The following SCAPER variants were observed in gnomAD, a reference collection of about 807,000 sequenced individuals.
The protein encoded by SCAPER is S-phase cyclin A associated protein in the ER.
In SCAPER, 98 loss-of-function variants were observed where a neutral mutation model predicts 182.2. The observed-to-expected ratio is 0.54, with a 90% CI of 0.46 to 0.64. The LOEUF (loss-of-function observed/expected upper bound fraction) is 0.64. Among genes scored for constraint, SCAPER ranks in the 30% least tolerant of loss-of-function variants. SCAPER has a pLI of 0.00. For missense variants in SCAPER, 1,432 were observed against 1,690.0 expected (o/e 0.85, Z 2.68); for synonymous variants, 605 against 564.6 (o/e 1.07, Z -1.01).
At chr15:76,505,132 A>T (rs1233601683) in intron 23 of SCAPER, among the ~76,000 whole-genome samples, 158 bp from the exon 24 acceptor site, 1 of 152,220 alleles carries the variant, frequency 6.6e-6, no homozygotes, top group East Asian at 1.9e-4. Flanking sequence ...TTGTTTCAGT[A>T]CTAGGAAATA....
At chr15:76,709,533 A>G (rs2059450535) in intron 17 of SCAPER, among the ~76,000 whole-genome samples, 1 of 152,234 alleles carries the variant, frequency 6.6e-6, no homozygotes, top group Non-Finnish European at 1.5e-5. Flanking sequence ...AAAAATCTCA[A>G]TAGACCAAAA....
In SCAPER at chr15:76,516,199, T is replaced by C. The variant is rs565107764; in HGVS notation, c.2839-11225A>G. ...TTCTTTCTTTCTTTTTTTTTTTATATATATTCTTTTAAAAAATTTTTTAAA... is the reference window on the plus strand; with the variant it reads ...TTCTTTCTTTCTTTTTTTTTTTATACATATTCTTTTAAAAAATTTTTTAAA... On this transcript the variant is annotated intron_variant, in intron 23 of 31. Coordinates refer to ENST00000563290, the MANE Select transcript of SCAPER (RefSeq NM_020843.4). Among the ~76,000 whole-genome samples, 1,200 of 151,516 alleles carry C rather than the reference T, an allele frequency of 7.9e-3. 12 individuals are homozygous for C. The highest frequency in any genetic ancestry group is 0.028 in the African/African-American group (1,139 of 41,412).
chr15:76,628,295 G>C (rs1412749508), intron 21 of SCAPER, among the ~76,000 whole-genome samples: 1 of 152,100 alleles, frequency 6.6e-6, no homozygotes, highest in African/African-American at 2.4e-5. Flanking sequence ...GATCTCATTT[G>C]TCAACTTTTT....
chr15:76,728,878 G>A, intron 16 of SCAPER, 141 bp from the exon 17 acceptor site: 1 of 839,904 alleles, frequency 1.2e-6, no homozygotes, highest in South Asian at 2.2e-5. Flanking sequence ...GCTTCTTAAA[G>A]TTTAAACAAA....
At position 76,661,948 on chromosome 15, in the gene SCAPER, T is replaced by C. The variant is rs141930950; in HGVS notation, c.2645+3705A>G. Among the ~76,000 whole-genome samples, 910 of 152,296 alleles carry C rather than the reference T, an allele frequency of 6.0e-3. 4 individuals are homozygous for C. The highest frequency in any genetic ancestry group is 0.021 in the African/African-American group (871 of 41,558). ...AACCAACCCAAATGCCCATCAATGA[T>C]AGACTGAATAAAGAAAATGTGGTAC... is the stretch of plus-strand genomic sequence containing the variant. On this transcript the variant is annotated intron_variant, in intron 21 of 31. Coordinates refer to ENST00000563290, the MANE Select transcript of SCAPER (RefSeq NM_020843.4).
intron 30 of SCAPER, among the ~76,000 whole-genome samples, chr15:76,351,625 ATG>A (rs2040555122): frequency 6.6e-6 from 1 of 152,212 alleles, no homozygotes; most frequent in Non-Finnish European, 1.5e-5. Flanking sequence ...TGAAAGCTCT[ATG>A]TATTCTGCAG....
chr15:76,585,803 T>C (rs1350471102), intron 22 of SCAPER, among the ~76,000 whole-genome samples: 10 of 152,272 alleles, frequency 6.6e-5, no homozygotes, highest in Middle Eastern at 3.4e-3. Context: ...AAGCACTAGA[T>C]TTTAATTCAT....
At chr15:76,856,534 ACT>A (rs2071397903) in intron 4 of SCAPER, among the ~76,000 whole-genome samples, 1 of 151,038 alleles carries the variant, frequency 6.6e-6, no homozygotes, top group Admixed American at 6.6e-5. Flanking sequence ...TATATTTTTA[ACT>A]TTTTTTACAT....
At chr15:76,641,244 T>G (rs144384919) in intron 21 of SCAPER, among the ~76,000 whole-genome samples, 2,651 of 152,334 alleles carry the variant, frequency 0.017, 36 homozygotes, top group Non-Finnish European at 0.026. Flanking sequence ...AAGGCTCTGT[T>G]AGAAATTACT....
intron 5 of SCAPER, among the ~76,000 whole-genome samples, chr15:76,807,980 T>C (rs2066298558): frequency 6.6e-6 from 1 of 152,146 alleles, no homozygotes; most frequent in Admixed American, 6.5e-5. Context: ...TCCCAACTTC[T>C]ATGATTCCCA....
At chr15:76,748,289 C>T (rs538046237) in intron 15 of SCAPER, among the ~76,000 whole-genome samples, 4 of 152,090 alleles carry the variant, frequency 2.6e-5, no homozygotes, top group East Asian at 3.9e-4. Flanking sequence ...CGCGCCTGGC[C>T]GAAATATGGA....
rs541039400 is a variant in SCAPER, at chr15:76,840,259, A to T, written c.393+1475T>A. On this transcript the variant is annotated intron_variant, in intron 5 of 31. Transcript: ENST00000563290. ...ATGATGCATCCTCATCGCTACAAAA[A>T]TTTTTTTAAAATTAGCCAGGCATGG... is the stretch of plus-strand genomic sequence containing the variant. Among the ~76,000 whole-genome samples, 15 of 151,970 alleles carry T rather than the reference A, an allele frequency of 9.9e-5. No individual in the cohort carries two copies. In the East Asian group the frequency reaches 2.3e-3, roughly 24 times the overall value.
chr15:76,754,697 TTTAA>T (rs773597148), intron 14 of SCAPER, among the ~76,000 whole-genome samples: 1 of 6,596 alleles, frequency 1.5e-4, no homozygotes, highest in Non-Finnish European at 4.0e-3. Flanking sequence ...AACCTAACAT[TTTAA>T]TTGTTTTTTT....
intron 22 of SCAPER, among the ~76,000 whole-genome samples, chr15:76,608,402 T>C (rs2120110): frequency 0.97 from 147,825 of 152,026 alleles, 71,991 homozygotes; most frequent in East Asian, 1. Flanking sequence ...GAGTACCCGG[T>C]CGTGTAAGGT....
chr15:76,883,714 T>C lies in SCAPER; in HGVS notation c.6+98A>G, dbSNP rs769359955. 2.0e-4 allele frequency: 196 copies of C among 957,266 alleles called. 2 individuals are homozygous for C. The highest frequency in any genetic ancestry group is 2.1e-4 in the Non-Finnish European group (136 of 645,750). 59.3% of individuals were successfully genotyped at this position (957,266 alleles called of 1,614,324 possible). ...CTTTATGACAATGTGTTCCATAGGG[T>C]ATCTTGAATGAAACAACTATTACAT... On this transcript the variant is annotated intron_variant, in intron 2 of 31. Transcript: ENST00000563290.
chr15:76,609,805 T>C (rs1229480927), intron 22 of SCAPER, among the ~76,000 whole-genome samples: 3 of 152,240 alleles, frequency 2.0e-5, no homozygotes, highest in Non-Finnish European at 4.4e-5. Context: ...GTAAATGTTC[T>C]ATAATTCTAT....
At chr15:76,718,647 GA>G (rs565887581) in intron 17 of SCAPER, among the ~76,000 whole-genome samples, 12 of 131,012 alleles carry the variant, frequency 9.2e-5, no homozygotes, top group East Asian at 4.3e-4. Context: ...TCTCAAAAAG[GA>G]AAAAAAAAAC....
At chr15:76,816,777 C>A (rs537041991) in intron 5 of SCAPER, among the ~76,000 whole-genome samples, 1 of 151,716 alleles carries the variant, frequency 6.6e-6, no homozygotes, top group South Asian at 2.1e-4. Flanking sequence ...CTCAGCCTCC[C>A]GAGTAGCTGG....
chr15:76,706,975 T>A (rs1472636691), intron 17 of SCAPER, among the ~76,000 whole-genome samples: 1 of 152,088 alleles, frequency 6.6e-6, no homozygotes, highest in African/African-American at 2.4e-5. Flanking sequence ...TATTGTTTCA[T>A]TTATGACATA....
Sources: gnomAD v4.1 joint callset for allele counts (sites outside exome capture counted in the v4.1 genomes callset) on GRCh38, gnomAD v4.1.1 for gene constraint, MANE v1.5 for transcripts, NCBI Gene and HGNC (gene_info 2026-07-23, HGNC 2026-07-21) for gene names.